The following TSHZ2 variants were observed in gnomAD, a reference collection of about 807,000 sequenced individuals.
TSHZ2 encodes teashirt homolog 2.
TSHZ2 carries 21 observed loss-of-function variants against 74.4 expected under a neutral mutation model. The ratio of observed to expected loss-of-function variants is 0.28; its 90% CI spans 0.20 to 0.41. The LOEUF is 0.41. Ranked by LOEUF, TSHZ2 falls within the 10% of genes least tolerant of loss-of-function variation. The probability of loss-of-function intolerance (pLI) is 1.00; values close to 1 mark genes in which losing one functional copy is unlikely to be tolerated. For synonymous variants in TSHZ2, 540 were observed against 515.3 expected (o/e 1.05, Z -0.65); for missense variants, 1,244 against 1,293.5 (o/e 0.96, Z 0.59).
chr20:53,266,952 GTT>G (rs1555844103), intron 2 of TSHZ2, among the ~76,000 whole-genome samples: 2 of 151,978 alleles, frequency 1.3e-5, no homozygotes, highest in Non-Finnish European at 2.9e-5. Flanking sequence ...AATTTTCTGT[GTT>G]TTTAGTACAG....
At chr20:53,222,576 TG>T (rs1341807567) in intron 1 of TSHZ2, among the ~76,000 whole-genome samples, 1 of 152,224 alleles carries the variant, frequency 6.6e-6, no homozygotes, top group Non-Finnish European at 1.5e-5. Flanking sequence ...AATTTATGAC[TG>T]CCTCTCCAAA....
At chr20:53,131,582 CG>C (rs1987102087) in intron 1 of TSHZ2, among the ~76,000 whole-genome samples, 1 of 152,232 alleles carries the variant, frequency 6.6e-6, no homozygotes, top group Admixed American at 6.5e-5. Context: ...ACGCCTCCTG[CG>C]TGTTGGTGCT....
intron 2 of TSHZ2, among the ~76,000 whole-genome samples, chr20:53,443,529 G>A (rs926036192): frequency 3.9e-5 from 6 of 152,246 alleles, no homozygotes; most frequent in Admixed American, 3.3e-4. Context: ...CTTTAACCCC[G>A]ATTCTTCCAT....
chr20:53,466,863 T>G (rs1985578662), intron 2 of TSHZ2, among the ~76,000 whole-genome samples: 1 of 152,232 alleles, frequency 6.6e-6, no homozygotes, highest in Admixed American at 6.5e-5. Flanking sequence ...ATCCTTATCA[T>G]TTTGCATTAT....
chr20:53,378,116 G>A (rs561098693), intron 2 of TSHZ2, among the ~76,000 whole-genome samples: 11 of 152,234 alleles, frequency 7.2e-5, no homozygotes, highest in Admixed American at 7.2e-4. Flanking sequence ...CGAGGCGGGC[G>A]ATCACCTGAG....
At chr20:53,322,382 A>G (rs189213189) in intron 2 of TSHZ2, among the ~76,000 whole-genome samples, 2 of 152,198 alleles carry the variant, frequency 1.3e-5, no homozygotes, top group East Asian at 3.9e-4. Context: ...GCGTGGTGGC[A>G]GGCGCCTGTA....
At chr20:52,987,191 G>A (rs1017012517) in intron 1 of TSHZ2, among the ~76,000 whole-genome samples, 8 of 152,156 alleles carry the variant, frequency 5.3e-5, no homozygotes, top group Admixed American at 6.5e-5. Flanking sequence ...GAGGGAATGG[G>A]AATGATTTCC....
At chr20:53,089,911 A>G (rs1201190573) in intron 1 of TSHZ2, among the ~76,000 whole-genome samples, 5 of 152,340 alleles carry the variant, frequency 3.3e-5, no homozygotes, top group Middle Eastern at 6.8e-3. Flanking sequence ...AGAGGAGTTT[A>G]TTAGGAGAAT....
At chr20:53,112,922 T>C (rs548743413) in intron 1 of TSHZ2, among the ~76,000 whole-genome samples, 1 of 152,350 alleles carries the variant, frequency 6.6e-6, no homozygotes, top group East Asian at 1.9e-4. Context: ...ATCAAAGATA[T>C]TGGATTCTTT....
At chr20:53,001,428 T>C (rs1050767280) in intron 1 of TSHZ2, among the ~76,000 whole-genome samples, 19 of 152,140 alleles carry the variant, frequency 1.2e-4, no homozygotes, top group African/African-American at 4.3e-4. Context: ...GGAGAAAGGA[T>C]TCATGACCTG....
intron 1 of TSHZ2, among the ~76,000 whole-genome samples, chr20:52,991,052 A>G (rs1981966313): frequency 6.6e-6 from 1 of 152,100 alleles, no homozygotes; most frequent in South Asian, 2.1e-4. Context: ...AACATGTGTG[A>G]TGTATGTTGT....
At chr20:53,472,666 G>A (rs935156818) in intron 2 of TSHZ2, among the ~76,000 whole-genome samples, 8 of 152,036 alleles carry the variant, frequency 5.3e-5, no homozygotes, top group African/African-American at 9.7e-5. Flanking sequence ...CAAGATGGCC[G>A]AATAGGAACA....
intron 1 of TSHZ2, among the ~76,000 whole-genome samples, chr20:53,010,577 GAAACA>G (rs914040359): frequency 5.9e-5 from 9 of 151,862 alleles, no homozygotes; most frequent in African/African-American, 2.2e-4. Context: ...AACTAGATTG[GAAACA>G]AAACAAAACA....
rs1479877451 is a variant in TSHZ2, at chr20:53,200,035, T to G, written c.41-53464T>G. Among the ~76,000 whole-genome samples the G allele has an allele frequency of 2.0e-5, 3 of 152,156 alleles. No individual in the cohort carries two copies. In the East Asian group the frequency reaches 5.8e-4, roughly 29 times the overall value. On this transcript the variant is annotated intron_variant, in intron 1 of 2. Transcript: ENST00000371497. ...GAATAGTTTATCAGATGAGGGTAGT[T>G]TAGAGCTCAATCCTGGGAGGAACAA... is the stretch of plus-strand genomic sequence containing the variant.
At chr20:53,478,794 C>G (rs1204432228) in intron 2 of TSHZ2, among the ~76,000 whole-genome samples, 3 of 152,076 alleles carry the variant, frequency 2.0e-5, no homozygotes, top group African/African-American at 7.2e-5. Context: ...TTTATAACTT[C>G]CTTTTACCAT....
chr20:53,223,778 A>G (rs6022342), intron 1 of TSHZ2, among the ~76,000 whole-genome samples: 45,824 of 151,878 alleles, frequency 0.3, 7,093 homozygotes, highest in African/African-American at 0.36. Context: ...AGAAAGGGGG[A>G]GGTAGCTGTG....
intron 1 of TSHZ2, among the ~76,000 whole-genome samples, chr20:53,226,717 G>A (rs533141625): frequency 1.3e-5 from 2 of 152,024 alleles, no homozygotes; most frequent in East Asian, 3.9e-4. Context: ...ATTATTTACC[G>A]GGTACCGTCC....
chr20:53,255,691 G>T lies in TSHZ2; in HGVS notation c.2233G>T (p.Ala745Ser). The T allele has an allele frequency of 1.9e-6, 3 of 1,594,116 alleles. No individual in the cohort carries two copies. The highest frequency in any genetic ancestry group is 2.6e-6 in the Non-Finnish European group (3 of 1,170,226). Residue 745 changes from alanine to serine, a missense_variant, in exon 2 of 3, where the codon GCC (alanine) becomes TCC (serine). Ala to Ser is a moderately conservative substitution (Grantham distance 99). Around this residue, in one of 6 missense-constraint regions of TSHZ2, gnomAD observed 562 missense variants for 544.0 expected, o/e 1.03. Transcript: ENST00000371497. The surrounding 1 kb of genome is among the most constrained non-coding windows in gnomAD (Gnocchi z 4.1). ...CATGGACAAGCCGGTCTTGAGTCCT[G>T]CCTCCACAAGGTCAGCCAGCGTGTC... ...NVMDKPVLSP[A>S]STRSASVSRR...
At chr20:53,226,922 GGTT>G (rs1301831851) in intron 1 of TSHZ2, among the ~76,000 whole-genome samples, 3 of 152,144 alleles carry the variant, frequency 2.0e-5, no homozygotes, top group African/African-American at 7.2e-5. Flanking sequence ...TAAATAGTAG[GGTT>G]GTTGTTCGGG....
Sources: gnomAD v4.1 joint callset for allele counts (sites outside exome capture counted in the v4.1 genomes callset) on GRCh38, gnomAD v4.1.1 for gene constraint, gnomAD v4.1.1 regional missense constraint, Gnocchi (gnomAD v3.1) non-coding constraint, MANE v1.5 for transcripts, NCBI Gene and HGNC (gene_info 2026-07-23, HGNC 2026-07-21) for gene names.